The following TESC variants were observed in gnomAD, a reference collection of about 807,000 sequenced individuals.
The protein encoded by TESC is calcineurin B homologous protein 3.
Under a neutral mutation model 31.0 loss-of-function variants are expected in TESC, and 19 were observed. The observed-to-expected ratio is 0.61, with a 90% CI of 0.43 to 0.90. The LOEUF is 0.90. Among genes scored for constraint, TESC ranks in the 40% least tolerant of loss-of-function variants. The pLI is 0.00. For missense variants in TESC, 248 were observed against 303.8 expected (o/e 0.82, Z 1.36); for synonymous variants, 109 against 114.8 (o/e 0.95, Z 0.32).
chr12:117,071,857 A>C (rs1000027491), intron 2 of TESC, among the ~76,000 whole-genome samples: 3 of 152,154 alleles, frequency 2.0e-5, no homozygotes, highest in South Asian at 4.1e-4. Context: ...CACCCACTCA[A>C]CCATGGAGGA....
chr12:117,091,411 C>T (rs535122395), intron 1 of TESC, among the ~76,000 whole-genome samples: 14 of 152,292 alleles, frequency 9.2e-5, no homozygotes, highest in African/African-American at 2.9e-4. Flanking sequence ...CTTACTGGGC[C>T]GTATGGCATG....
intron 1 of TESC, among the ~76,000 whole-genome samples, chr12:117,088,740 A>AG (rs1392794566): frequency 6.6e-6 from 1 of 152,122 alleles, no homozygotes; most frequent in Non-Finnish European, 1.5e-5. Flanking sequence ...CAGGAATTTC[A>AG]GGTCCTGCTA....
intron 3 of TESC, among the ~76,000 whole-genome samples, chr12:117,050,954 GA>G (rs1954639959): frequency 6.6e-6 from 1 of 152,174 alleles, no homozygotes; most frequent in African/African-American, 2.4e-5. Flanking sequence ...GCCTGGAGAT[GA>G]CTCCAAACCC....
chr12:117,085,719 C>T (rs149671196), intron 1 of TESC, among the ~76,000 whole-genome samples: 4 of 152,314 alleles, frequency 2.6e-5, no homozygotes, highest in Non-Finnish European at 5.9e-5. Context: ...AAGGTGAGCT[C>T]CTGACAGTGC....
chr12:117,083,651 G>A (rs1394297364), intron 1 of TESC, among the ~76,000 whole-genome samples: 1 of 152,194 alleles, frequency 6.6e-6, no homozygotes, highest in Non-Finnish European at 1.5e-5. Flanking sequence ...AAGGCCACAC[G>A]GTGTATGATC....
At position 117,066,200 on chromosome 12, in the gene TESC, CTT is replaced by C. The variant is rs58829406; in HGVS notation, c.128+9069_128+9070del. ...TGTCTGCCCTGTTTCCTTCCTTTAGCTTTTTTTTTTTTTTTTTTTTTTTTGGG... is the reference window on the plus strand; with the variant it reads ...TGTCTGCCCTGTTTCCTTCCTTTAGCTTTTTTTTTTTTTTTTTTTTTTGGG... On this transcript the variant is annotated intron_variant, in intron 2 of 7. Coordinates refer to ENST00000335209, the MANE Select transcript of TESC (RefSeq NM_017899.4). Among the ~76,000 whole-genome samples the C allele has an allele frequency of 5.5e-3, 347 of 62,964 alleles. 3 individuals carry two copies. The highest frequency in any genetic ancestry group is 0.027 in the African/African-American group (316 of 11,740). 41.3% of individuals were successfully genotyped at this position (62,964 alleles called of 152,430 possible). A position where few individuals can be genotyped will look rare whatever the true frequency, so the allele number is the denominator to read the frequency against.
intron 3 of TESC, among the ~76,000 whole-genome samples, chr12:117,056,578 A>T (rs1286372045): frequency 6.6e-6 from 1 of 152,200 alleles, no homozygotes; most frequent in Non-Finnish European, 1.5e-5. Context: ...TTTGTTACAT[A>T]GCCAGAGACA....
chr12:117,092,964 C>A (rs1346983961), intron 1 of TESC, among the ~76,000 whole-genome samples: 1 of 152,206 alleles, frequency 6.6e-6, no homozygotes, highest in African/African-American at 2.4e-5. Flanking sequence ...TCATGGGGTT[C>A]ATGGACTCCC....
At position 117,046,903 on chromosome 12, in the gene TESC, T is replaced by G. The variant is rs188302611; in HGVS notation, c.350-65A>C. On this transcript the variant is annotated intron_variant, in intron 4 of 7. Transcript: ENST00000335209. ...GCCTGGCCCCTGCCACCCCCTGAAA[T>G]GTACACTAAACTAAGCAAAAGACAC... 2.7e-3 allele frequency: 4,049 copies of G among 1,504,400 alleles called. 57 individuals are homozygous for G. Among genetic ancestry groups the G allele is most frequent in the Non-Finnish European group, 1.6e-3 (1,805 of 1,113,580 alleles). The allele number at this position is 1,504,400 out of a possible 1,614,324, so 93.2% of individuals were successfully genotyped here.
At chr12:117,076,881 G>A (rs948602466) in intron 1 of TESC, among the ~76,000 whole-genome samples, 6 of 152,094 alleles carry the variant, frequency 3.9e-5, no homozygotes, top group African/African-American at 9.7e-5. Flanking sequence ...AAGTAATATC[G>A]CCTGTCTGCC....
chr12:117,093,135 C>T (rs1955337859), intron 1 of TESC, among the ~76,000 whole-genome samples: 1 of 152,178 alleles, frequency 6.6e-6, no homozygotes, highest in South Asian at 2.1e-4. Flanking sequence ...TCCCGCTATG[C>T]TACAGTTGTT....
At chr12:117,086,341 A>G (rs1473750620) in intron 1 of TESC, among the ~76,000 whole-genome samples, 1 of 151,972 alleles carries the variant, frequency 6.6e-6, no homozygotes, top group Non-Finnish European at 1.5e-5. Context: ...ACCTCAAGTG[A>G]TCTGCCCACC....
chr12:117,044,205 A>G (rs551166165), intron 6 of TESC, among the ~76,000 whole-genome samples: 3 of 152,230 alleles, frequency 2.0e-5, no homozygotes, highest in South Asian at 2.1e-4. Flanking sequence ...TGGAAGCCGT[A>G]GTGAGCTATG....
chr12:117,078,327 A>C (rs1004630771), intron 1 of TESC, among the ~76,000 whole-genome samples: 1 of 152,116 alleles, frequency 6.6e-6, no homozygotes, highest in African/African-American at 2.4e-5. Flanking sequence ...TGAGCCAGGC[A>C]TGGTGGTAGG....
chr12:117,039,287 C>T, intron 7 of TESC, 77 bp from the exon 8 acceptor site: 1 of 1,397,406 alleles, frequency 7.2e-7, no homozygotes, highest in Non-Finnish European at 9.9e-7. Context: ...GGTCCTCGGC[C>T]CTTCCCACCT....
chr12:117,066,655 A>G (rs1299763913), intron 2 of TESC, among the ~76,000 whole-genome samples: 1 of 152,106 alleles, frequency 6.6e-6, no homozygotes, highest in Non-Finnish European at 1.5e-5. Flanking sequence ...ATGAGCCACC[A>G]TGCCCAGCCA....
At chr12:117,075,371 G>T in intron 1 of TESC, 31 bp from the exon 2 acceptor site, 1 of 1,596,650 alleles carries the variant, frequency 6.3e-7, no homozygotes. Context: ...AGAAAAACAA[G>T]ACAGAAAAAA....
chr12:117,081,543 G>A (rs1347445719), intron 1 of TESC, among the ~76,000 whole-genome samples: 1 of 152,168 alleles, frequency 6.6e-6, no homozygotes, highest in Non-Finnish European at 1.5e-5. Flanking sequence ...AACAAATCCT[G>A]AGGAATTAAG....
chr12:117,061,317 G>T (rs1421662401), intron 2 of TESC, among the ~76,000 whole-genome samples: 3 of 152,112 alleles, frequency 2.0e-5, no homozygotes, highest in East Asian at 1.9e-4. Context: ...AATGAAGATG[G>T]CTGCACGCAG....
Sources: gnomAD v4.1 joint callset for allele counts (sites outside exome capture counted in the v4.1 genomes callset) on GRCh38, gnomAD v4.1.1 for gene constraint, MANE v1.5 for transcripts, NCBI Gene and HGNC (gene_info 2026-07-23, HGNC 2026-07-21) for gene names.